VWF: variants seen among roughly 807,000 people sequenced by gnomAD.
The protein encoded by VWF is von Willebrand factor.
Under a neutral mutation model 308.6 loss-of-function variants are expected in VWF, and 176 were observed. The observed-to-expected ratio is 0.57, with a 90% CI of 0.50 to 0.65. The LOEUF (loss-of-function observed/expected upper bound fraction) is 0.65, where lower values mean the gene tolerates loss of function less well. VWF is among the 30% of genes least tolerant of loss of function. The probability of loss-of-function intolerance (pLI) is 0.00; values close to 1 mark genes in which losing one functional copy is unlikely to be tolerated. For missense variants in VWF, 3,146 were observed against 3,648.2 expected, an observed-to-expected ratio of 0.86 and a Z score of 3.55; for synonymous variants, 1,385 against 1,443.4, an observed-to-expected ratio of 0.96 and a Z score of 0.92.
In VWF at chr12:6,075,331, T is replaced by G; in HGVS notation, c.874+4A>C. On this transcript the variant is annotated splice_donor_region_variant and intron_variant, in intron 7 of 51. Transcript: ENST00000261405. This position sits in a 1 kb window ranked among gnomAD's most constrained non-coding sequence, Gnocchi z 4.7. ...GGGCAGGACGGGGCAGGGGGCCGAC[T>G]TACTGCACGCGCTGTGGTCGGTCCA... 1 of 1,613,898 alleles carries G rather than the reference T, an allele frequency of 6.2e-7. No homozygotes were observed. Among genetic ancestry groups the G allele is most frequent in the South Asian group, 1.1e-5 (1 of 91,078 alleles).
chr12:6,023,749 G>A lies in VWF; in HGVS notation c.3261C>T (p.Asp1087=). The change falls in exon 25 of 52, where the codon GAC becomes GAT. Residue 1087 remains aspartate, a synonymous_variant. Transcript: ENST00000261405. ...CCCCAATGGACTCACAGGAGCAGGTGTCGTAAATGCAGACATCCAGATATG... is the reference window on the plus strand; with the variant it reads ...CCCCAATGGACTCACAGGAGCAGGTATCGTAAATGCAGACATCCAGATATG... The part of the protein sequence containing the change: ...PEPYLDVCIY[D]TCSCESIGDC... 6.2e-7 allele frequency: 1 copy of A among 1,613,348 alleles called. No individual in the cohort carries two copies. The highest frequency in any genetic ancestry group is 8.5e-7 in the Non-Finnish European group (1 of 1,180,026).
Position 6,018,994 on chromosome 12 carries a change from T to C in VWF, c.4424A>G (p.Gln1475Arg). ...CAAGAGCCCCGGGCCCACAGTGACT[T>C]GTGCCATGTCGGGGGGCAGAGTAGG... ...PPPTLPPDMA[Q>R]VTVGPGLLGV... Residue 1475 changes from glutamine to arginine, a missense_variant, in exon 28 of 52, where the codon CAA becomes CGA. Physicochemically the swap from Gln to Arg is conservative, Grantham distance 43. Coordinates refer to ENST00000261405, the MANE Select transcript of VWF (RefSeq NM_000552.5). 1 of 1,613,856 alleles carries C rather than the reference T, an allele frequency of 6.2e-7. No individual in the cohort carries two copies. The highest frequency in any genetic ancestry group is 8.5e-7 in the Non-Finnish European group (1 of 1,179,838).
At chr12:5,956,866 T>C (rs1943257490) in intron 47 of VWF, among the ~76,000 whole-genome samples, 2 of 152,162 alleles carry the variant, frequency 1.3e-5, no homozygotes, top group Admixed American at 6.5e-5. Context: ...AAGAAAAATA[T>C]TTTGTAGTAA....
rs1158509169 is a variant in VWF at position 6,044,325 on chromosome 12, C to T, written c.2408G>A (p.Gly803Asp). 7.4e-6 allele frequency: 12 copies of T among 1,614,086 alleles called. No individual in the cohort carries two copies. The highest frequency in any genetic ancestry group is 9.3e-6 in the Non-Finnish European group (11 of 1,180,050). The change falls in exon 18 of 52, where the codon GGC becomes GAC. Residue 803 changes from glycine to aspartate, a missense_variant. By Grantham distance (94) the Gly-to-Asp change is moderately conservative. Around this residue, in one of 3 missense-constraint regions of VWF, gnomAD observed 1,304 missense variants for 1,353.0 expected, o/e 0.96. Transcript: ENST00000261405. Reference sequence around the variant, plus strand: ...GGGGCAGAGGCAGCCAGAGACACAGCCCATGCTCATGCACTCCAGGTCATA... The same window carrying T: ...GGGGCAGAGGCAGCCAGAGACACAGTCCATGCTCATGCACTCCAGGTCATA... ...QNYDLECMSM[G>D]CVSGCLCPPG... is the part of the protein sequence containing the mutation.
At chr12:6,077,787 G>A (rs1332502046) in intron 6 of VWF, among the ~76,000 whole-genome samples, 2 of 152,242 alleles carry the variant, frequency 1.3e-5, no homozygotes, top group African/African-American at 4.8e-5. Context: ...TTACACAAGG[G>A]GAACCTGAGG....
intron 5 of VWF, among the ~76,000 whole-genome samples, chr12:6,103,937 A>G (rs927182880): frequency 2.0e-5 from 3 of 152,224 alleles, no homozygotes; most frequent in Non-Finnish European, 2.9e-5. Flanking sequence ...TAAACTAAAA[A>G]TCTTCTGCAC....
Position 6,009,239 on chromosome 12 carries a change from C to CAA in VWF, c.5842+2376_5842+2377dup, listed in dbSNP as rs4021588. Among the ~76,000 whole-genome samples, 833 of 125,566 alleles carry CAA rather than the reference C, an allele frequency of 6.6e-3. 6 individuals carry two copies. Among genetic ancestry groups the CAA allele is most frequent in the African/African-American group, 0.022 (721 of 32,996 alleles). 82.4% of individuals were successfully genotyped at this position (125,566 alleles called of 152,430 possible). On this transcript the variant is annotated intron_variant, in intron 34 of 51. Coordinates refer to ENST00000261405, the MANE Select transcript of VWF (RefSeq NM_000552.5). The stretch of plus-strand genomic sequence containing the variant: ...ATTAGGAACTCATACAACTCAATAG[C>CAA]AAAAAAAAAAAAAATGCAAATAACC...
chr12:6,075,359 C>T lies in VWF; in HGVS notation c.850G>A (p.Gly284Ser), dbSNP rs376461502. 5.6e-6 allele frequency: 9 copies of T among 1,613,982 alleles called. No individual in the cohort carries two copies. The highest frequency in any genetic ancestry group is 2.7e-5 in the African/African-American group (2 of 74,906). Residue 284 changes from glycine (G) to serine (S), a missense_variant, in exon 7 of 52, where the codon GGC (glycine) becomes AGC (serine). By Grantham distance (56) the Gly-to-Ser change is moderately conservative. Around this residue, in one of 3 missense-constraint regions of VWF, gnomAD observed 1,304 missense variants for 1,353.0 expected, o/e 0.96. Coordinates refer to ENST00000261405, the MANE Select transcript of VWF (RefSeq NM_000552.5). The surrounding 1 kb of genome is among the most constrained non-coding windows in gnomAD (Gnocchi z 4.7). ...TCAQEGMVLY[G>S]WTDHSACSPV... ...CTGCACGCGCTGTGGTCGGTCCAGC[C>T]GTACAGCACCATTCCCTCCTGGGCA...
chr12:6,075,388 G>A lies in VWF; in HGVS notation c.821C>T (p.Thr274Ile). ...ACPALLEYAR[T>I]CAQEGMVLYG... ...CAGCACCATTCCCTCCTGGGCACAGGTCCGGGCGTACTCCAGGAGGGCAGG... is the reference window on the plus strand; with the variant it reads ...CAGCACCATTCCCTCCTGGGCACAGATCCGGGCGTACTCCAGGAGGGCAGG... Residue 274 changes from threonine to isoleucine, a missense_variant, in exon 7 of 52, where the codon ACC becomes ATC. By Grantham distance (89) the Thr-to-Ile change is moderately conservative. Around this residue, in one of 3 missense-constraint regions of VWF, gnomAD observed 1,304 missense variants for 1,353.0 expected, o/e 0.96. Transcript: ENST00000261405. The surrounding 1 kb of genome is among the most constrained non-coding windows in gnomAD (Gnocchi z 4.7). 1 of 1,614,082 alleles carries A rather than the reference G, an allele frequency of 6.2e-7. No homozygotes were observed. Among genetic ancestry groups the A allele is most frequent in the Non-Finnish European group, 8.5e-7 (1 of 1,180,024 alleles).
At position 6,075,229 on chromosome 12, in the gene VWF, G is replaced by A; in HGVS notation, c.874+106C>T. 2.8e-6 allele frequency: 4 copies of A among 1,433,902 alleles called. No individual in the cohort carries two copies. Among genetic ancestry groups the A allele is most frequent in the Non-Finnish European group, 3.9e-6 (4 of 1,035,794 alleles). 88.8% of individuals were successfully genotyped at this position (1,433,902 alleles called of 1,614,324 possible). On this transcript the variant is annotated intron_variant, in intron 7 of 51. Transcript: ENST00000261405. The surrounding 1 kb of genome is among the most constrained non-coding windows in gnomAD (Gnocchi z 4.7). Reference sequence around the variant, plus strand: ...TGTAGTCACTGGCTGGCTGGGTGTGGTAAAGCCGCACATACGTGACACAGC... The same window carrying A: ...TGTAGTCACTGGCTGGCTGGGTGTGATAAAGCCGCACATACGTGACACAGC...
At chr12:6,055,038 G>C (rs1230740122) in intron 15 of VWF, among the ~76,000 whole-genome samples, 2 of 152,038 alleles carry the variant, frequency 1.3e-5, no homozygotes, top group African/African-American at 4.8e-5. Flanking sequence ...CAGTCTCCAG[G>C]GAAAGCTCCT....
rs1565386775 is a variant in VWF at position 6,092,642 on chromosome 12, T to TGA, written c.657+2817_657+2818insTC. On this transcript the variant is annotated intron_variant, in intron 6 of 51. Transcript: ENST00000261405. ...GAGTGTGTGTGTGTGTGTGTGTGTG[T>TGA]GTGTGTGTGTGTGTGTGTGTGTGTG... Among the ~76,000 whole-genome samples, 33 of 104,782 alleles carry TGA rather than the reference T, an allele frequency of 3.1e-4. 1 individual carries two copies. The highest frequency in any genetic ancestry group is 1.9e-3 in the African/African-American group (22 of 11,570). The allele number at this position is 104,782 out of a possible 152,430, so 68.7% of individuals were successfully genotyped here.
chr12:5,993,168 C>CA (rs1399409794), intron 37 of VWF, among the ~76,000 whole-genome samples: 3 of 152,034 alleles, frequency 2.0e-5, no homozygotes, highest in African/African-American at 4.8e-5. Flanking sequence ...TGATTTCCCT[C>CA]AAAAAAATAG....
chr12:6,093,801 T>A (rs957877789), intron 6 of VWF, among the ~76,000 whole-genome samples: 1 of 152,216 alleles, frequency 6.6e-6, no homozygotes, highest in Non-Finnish European at 1.5e-5. Context: ...AAAGACCATC[T>A]TTACCTGTGG....
intron 47 of VWF, among the ~76,000 whole-genome samples, chr12:5,965,619 G>A (rs1034383408): frequency 1.3e-5 from 2 of 152,166 alleles, no homozygotes; most frequent in Non-Finnish European, 2.9e-5. Flanking sequence ...AAGAGCACTG[G>A]CTTCCCTGGG....
At position 6,044,177 on chromosome 12, in the gene VWF, G is replaced by A. The variant is rs71582894; in HGVS notation, c.2442+114C>T. 47,781 of 1,354,160 alleles carry A rather than the reference G, an allele frequency of 0.035. 1,045 individuals are homozygous for A. The highest frequency in any genetic ancestry group is 0.075 in the Middle Eastern group (293 of 3,900). 83.9% of individuals were successfully genotyped at this position (1,354,160 alleles called of 1,614,324 possible). A position where few individuals can be genotyped will look rare whatever the true frequency, so the allele number is the denominator to read the frequency against. Reference sequence around the variant, plus strand: ...CCCCATTACCAGCACCACCTCCATTGCTATCCGTGTTTAGCCCTTGTTTCT... The same window carrying A: ...CCCCATTACCAGCACCACCTCCATTACTATCCGTGTTTAGCCCTTGTTTCT... On this transcript the variant is annotated intron_variant, in intron 18 of 51. Coordinates refer to ENST00000261405, the MANE Select transcript of VWF (RefSeq NM_000552.5).
chr12:6,091,766 A>C (rs1031786707), intron 6 of VWF, among the ~76,000 whole-genome samples: 1 of 152,208 alleles, frequency 6.6e-6, no homozygotes, highest in African/African-American at 2.4e-5. Flanking sequence ...CAACTCCCCA[A>C]GAGAAACACA....
chr12:6,073,298 T>A (rs1944800671), intron 8 of VWF, among the ~76,000 whole-genome samples: 1 of 152,152 alleles, frequency 6.6e-6, no homozygotes, highest in Admixed American at 6.5e-5. Flanking sequence ...CCAGATCGGT[T>A]CCCTGACACA....
chr12:6,044,480 T>A (rs780934178), intron 17 of VWF, 29 bp from the exon 18 acceptor site: 3 of 1,611,638 alleles, frequency 1.9e-6, no homozygotes, highest in Non-Finnish European at 2.5e-6. Context: ...AAAGAGATGA[T>A]TAGTGAAGGA....
Sources: allele counts gnomAD v4.1 joint callset (sites outside exome capture counted in the v4.1 genomes callset), GRCh38; gene constraint gnomAD v4.1.1; regional missense constraint gnomAD v4.1.1; non-coding constraint Gnocchi (gnomAD v3.1); transcripts MANE v1.5; gene names NCBI Gene and HGNC (gene_info 2026-07-23, HGNC 2026-07-21).